ITGA6: variants seen among roughly 807,000 people sequenced by gnomAD.
ITGA6 encodes integrin subunit alpha 6.
Under a neutral mutation model 133.6 loss-of-function variants are expected in ITGA6, and 63 were observed. That is an observed-to-expected ratio of 0.47 (90% CI 0.38 to 0.58). The LOEUF (loss-of-function observed/expected upper bound fraction) is 0.58, where lower values mean the gene tolerates loss of function less well. ITGA6 is among the 20% of genes least tolerant of loss of function. The pLI, the probability that ITGA6 is intolerant of heterozygous loss-of-function variation, is 0.00. For missense variants in ITGA6, 1,068 were observed against 1,309.4 expected, an observed-to-expected ratio of 0.82 and a Z score of 2.85; for synonymous variants, 434 against 482.0, an observed-to-expected ratio of 0.90 and a Z score of 1.30.
chr2:172,440,941 A>T (rs183414708), intron 1 of ITGA6, among the ~76,000 whole-genome samples: 102 of 152,264 alleles, frequency 6.7e-4, no homozygotes, highest in Non-Finnish European at 1.2e-3. Flanking sequence ...TGAAGTTTGA[A>T]AGGAAGTGCC....
chr2:172,432,841 T>C (rs1270908431), intron 1 of ITGA6, among the ~76,000 whole-genome samples: 1 of 152,182 alleles, frequency 6.6e-6, no homozygotes, highest in African/African-American at 2.4e-5. Context: ...GACTGTGGAA[T>C]AGAGATCTTT....
Position 172,488,043 on chromosome 2 carries a change from GT to G in ITGA6, c.2402+6del. 1.9e-6 allele frequency: 3 copies of G among 1,613,774 alleles called. No homozygotes were observed. The highest frequency in any genetic ancestry group is 2.5e-6 in the Non-Finnish European group (3 of 1,179,678). ...ACTGCTTTTATCGGTCTCGGGGTAAGTGTTTGTGTTTAGCATAACAAATCAA... is the reference window on the plus strand; with the variant it reads ...ACTGCTTTTATCGGTCTCGGGGTAAGGTTTGTGTTTAGCATAACAAATCAA... On this transcript the variant is annotated splice_donor_region_variant and intron_variant, in intron 18 of 25. Coordinates refer to ENST00000684293, the MANE Select transcript of ITGA6 (RefSeq NM_000210.4).
intron 20 of ITGA6, 81 bp downstream of exon 20, chr2:172,489,739 T>C: frequency 2.4e-6 from 3 of 1,259,032 alleles, no homozygotes; most frequent in Non-Finnish European, 3.4e-6. Context: ...ATTACTGTTC[T>C]TAGGAAAGTG....
intron 1 of ITGA6, among the ~76,000 whole-genome samples, chr2:172,441,935 C>G (rs1684561121): frequency 6.6e-6 from 1 of 152,190 alleles, no homozygotes; most frequent in Non-Finnish European, 1.5e-5. Context: ...GCTAATGTGT[C>G]TGTTTTTATA....
intron 1 of ITGA6, among the ~76,000 whole-genome samples, chr2:172,432,498 A>C (rs1339360834): frequency 1.3e-5 from 2 of 152,130 alleles, no homozygotes; most frequent in Non-Finnish European, 2.9e-5. Context: ...TGTGACATCA[A>C]CTCTTCCTGC....
At chr2:172,481,177 G>C (rs375254848) in intron 11 of ITGA6, among the ~76,000 whole-genome samples, 1 of 152,146 alleles carries the variant, frequency 6.6e-6, no homozygotes, top group Non-Finnish European at 1.5e-5. Flanking sequence ...CAGCCTTTAC[G>C]ATACTATGAG....
intron 1 of ITGA6, among the ~76,000 whole-genome samples, chr2:172,435,836 C>T (rs187568883): frequency 6.6e-6 from 1 of 151,894 alleles, no homozygotes; most frequent in East Asian, 1.9e-4. Context: ...ACCATGTTGG[C>T]CAGGCTGGTC....
intron 5 of ITGA6, chr2:172,472,957 C>T (rs1459331152): frequency 2.6e-5 from 24 of 924,368 alleles, no homozygotes; most frequent in South Asian, 1.5e-4. Context: ...TTTTTTGATC[C>T]ATACAGAGCA....
intron 1 of ITGA6, among the ~76,000 whole-genome samples, chr2:172,431,803 C>T (rs1223491055): frequency 6.6e-6 from 1 of 152,126 alleles, no homozygotes; most frequent in Non-Finnish European, 1.5e-5. Context: ...TTAATTTTAA[C>T]ACAGGCTGGT....
intron 5 of ITGA6, chr2:172,472,810 C>G (rs1188073025): frequency 1.9e-6 from 3 of 1,612,598 alleles, no homozygotes; most frequent in Non-Finnish European, 2.5e-6. Flanking sequence ...TATACAGATC[C>G]TGATCAGTTT....
chr2:172,491,030 C>G lies in ITGA6; in HGVS notation c.2686C>G (p.His896Asp), dbSNP rs552228865. 6.5e-7 allele frequency: 1 copy of G among 1,542,440 alleles called. No homozygotes were observed. Among genetic ancestry groups the G allele is most frequent in the Admixed American group, 1.7e-5 (1 of 59,908 alleles). ...TGGATATAATTTTTTTCAGGAGTCT[C>G]ACAACTCAAGAAAGAAACGGGAAAT... Reference protein sequence around the residue: ...EINSLNLTESHNSRKKREITE... With the variant: ...EINSLNLTESDNSRKKREITE... The change falls in exon 21 of 26, where the codon CAC becomes GAC. Residue 896 changes from histidine (H) to aspartate (D), a missense_variant. This residue lies in a region of ITGA6 where 609 missense variants were observed against 707.2 expected (regional missense o/e 0.86). Transcript: ENST00000684293. The surrounding 1 kb of genome is among the most constrained non-coding windows in gnomAD (Gnocchi z 4.4).
At chr2:172,468,981 G>C in intron 3 of ITGA6, 144 bp from the exon 4 acceptor site, 1 of 839,496 alleles carries the variant, frequency 1.2e-6, no homozygotes. Flanking sequence ...ATATTTGCTG[G>C]TCTGGGATCC....
chr2:172,472,906 G>A lies in ITGA6; in HGVS notation c.776-1149G>A, dbSNP rs770457789. On this transcript the variant is annotated intron_variant, in intron 5 of 25. Coordinates refer to ENST00000684293, the MANE Select transcript of ITGA6 (RefSeq NM_000210.4). Reference sequence around the variant, plus strand: ...AGCTACCTAGGTTTGTGACCTCTGCGACGACAAATAAATTGTCTTGGTTGT... The same window carrying A: ...AGCTACCTAGGTTTGTGACCTCTGCAACGACAAATAAATTGTCTTGGTTGT... 26 of 1,456,432 alleles carry A rather than the reference G, an allele frequency of 1.8e-5. No homozygotes were observed. In the Admixed American group the frequency reaches 2.8e-4, roughly 16 times the overall value. 90.2% of individuals were successfully genotyped at this position (1,456,432 alleles called of 1,614,324 possible).
intron 11 of ITGA6, among the ~76,000 whole-genome samples, chr2:172,482,418 C>G (rs1391519653): frequency 1.3e-5 from 2 of 152,168 alleles, no homozygotes; most frequent in African/African-American, 4.8e-5. Context: ...GCTCAGCAGT[C>G]CTCAGATGTG....
chr2:172,494,898 A>G (rs76353941), intron 23 of ITGA6, among the ~76,000 whole-genome samples: 2,324 of 152,318 alleles, frequency 0.015, 49 homozygotes, highest in African/African-American at 0.052. Flanking sequence ...AATGACCAAA[A>G]AAATGCATAA....
At chr2:172,441,559 T>TAAAAA (rs57828626) in intron 1 of ITGA6, among the ~76,000 whole-genome samples, 4 of 48,820 alleles carry the variant, frequency 8.2e-5, no homozygotes, top group African/African-American at 2.0e-4. Flanking sequence ...GCTGTCTCTT[T>TAAAAA]AAAAAAAAAA....
intron 1 of ITGA6, among the ~76,000 whole-genome samples, chr2:172,446,578 G>C (rs1339625042): frequency 6.6e-6 from 1 of 152,244 alleles, no homozygotes; most frequent in East Asian, 1.9e-4. Flanking sequence ...CACAATCCAA[G>C]TGTGTACAGT....
intron 1 of ITGA6, among the ~76,000 whole-genome samples, chr2:172,451,750 C>A (rs940442339): frequency 6.6e-6 from 1 of 152,092 alleles, no homozygotes; most frequent in Non-Finnish European, 1.5e-5. Context: ...GAGAAACTGG[C>A]AAGTATCGAC....
Position 172,465,631 on chromosome 2 carries a change from G to T in ITGA6, c.275G>T (p.Gly92Val). Reference sequence around the variant, plus strand: ...TACAGCTGCGACATCACCGCCCGGGGGCCATGCACGCGGATCGAGTTTGAT... The same window carrying T: ...TACAGCTGCGACATCACCGCCCGGGTGCCATGCACGCGGATCGAGTTTGAT... ...GLYSCDITAR[G>V]PCTRIEFDND... The change falls in exon 2 of 26, where the codon GGG becomes GTG. Residue 92 changes from glycine to valine, a missense_variant. Physicochemically the swap from Gly to Val is moderately radical, Grantham distance 109 (BLOSUM62 -3). Around this residue, in one of 3 missense-constraint regions of ITGA6, gnomAD observed 142 missense variants for 145.3 expected, o/e 0.98. Transcript: ENST00000684293. 6.2e-7 allele frequency: 1 copy of T among 1,614,232 alleles called. No homozygotes were observed. The highest frequency in any genetic ancestry group is 2.2e-5 in the East Asian group (1 of 44,886).
Sources: gnomAD v4.1 joint callset for allele counts (sites outside exome capture counted in the v4.1 genomes callset) on GRCh38, gnomAD v4.1.1 for gene constraint, gnomAD v4.1.1 regional missense constraint, Gnocchi (gnomAD v3.1) non-coding constraint, MANE v1.5 for transcripts, NCBI Gene and HGNC (gene_info 2026-07-23, HGNC 2026-07-21) for gene names.